The following PSPC1 variants were observed in gnomAD, a reference collection of about 807,000 sequenced individuals.
PSPC1 encodes the protein paraspeckle component 1.
A neutral mutation model predicts 51.6 loss-of-function variants in PSPC1; 14 were observed. The observed-to-expected ratio is 0.27, with a 90% CI of 0.18 to 0.42. The LOEUF (loss-of-function observed/expected upper bound fraction) is 0.42. Among genes scored for constraint, PSPC1 ranks in the 10% least tolerant of loss-of-function variants. The pLI is 1.00. For synonymous variants in PSPC1, 193 were observed against 231.9 expected, an observed-to-expected ratio of 0.83 and a Z score of 1.53; for missense variants, 406 against 701.1, an observed-to-expected ratio of 0.58 and a Z score of 4.75.
chr13:19,779,378 T>TG (rs1184763998), intron 1 of PSPC1, among the ~76,000 whole-genome samples: 12 of 78,186 alleles, frequency 1.5e-4, no homozygotes, highest in African/African-American at 5.2e-4. Context: ...GGGAGGGAGG[T>TG]GGGGGGGTCA....
At chr13:19,684,395 A>G (rs1877620100) in intron 6 of PSPC1, among the ~76,000 whole-genome samples, 4 of 152,208 alleles carry the variant, frequency 2.6e-5, no homozygotes, top group South Asian at 2.1e-4. Flanking sequence ...TAAAAGTTCA[A>G]TATTTCAAGT....
intron 5 of PSPC1, among the ~76,000 whole-genome samples, chr13:19,736,664 CAG>C (rs912178243): frequency 6.6e-6 from 1 of 152,114 alleles, no homozygotes; most frequent in Non-Finnish European, 1.5e-5. Flanking sequence ...GCCTGGGCGA[CAG>C]AGTGAGACTC....
chr13:19,690,687 C>T (rs1029031074), intron 6 of PSPC1, among the ~76,000 whole-genome samples: 1 of 152,122 alleles, frequency 6.6e-6, no homozygotes, highest in Admixed American at 6.5e-5. Context: ...GATTTTAGTT[C>T]TAAATTTTAT....
chr13:19,732,894 T>C (rs1225975814), intron 5 of PSPC1, among the ~76,000 whole-genome samples: 1 of 146,400 alleles, frequency 6.8e-6, no homozygotes, highest in Non-Finnish European at 1.5e-5. Context: ...GCCACTGCAC[T>C]CCAGCTTGCA....
rs996678767 is a variant in PSPC1 at position 19,741,756 on chromosome 13, CATTTT to C, written c.968-112_968-108del. ...ACTGGCAATATATTGGTATATTACT[CATTTT>C]ATAATAATGTAAGCTGGGTAATTAA... On this transcript the variant is annotated intron_variant, in intron 4 of 8. Coordinates refer to ENST00000338910, the MANE Select transcript of PSPC1 (RefSeq NM_001354909.2). The C allele has an allele frequency of 1.6e-4, 97 of 605,902 alleles. No homozygotes were observed. The African/African-American group carries it at 1.7e-3, about 10-fold the overall frequency. The allele number at this position is 605,902 out of a possible 1,614,324, so 37.5% of individuals were successfully genotyped here.
chr13:19,706,853 C>G (rs1453875761), intron 7 of PSPC1, among the ~76,000 whole-genome samples: 2 of 152,078 alleles, frequency 1.3e-5, no homozygotes, highest in Non-Finnish European at 2.9e-5. Flanking sequence ...TGGCTGAGTC[C>G]TTACCAGCCC....
At chr13:19,717,705 CAAAA>C (rs780984201) in intron 6 of PSPC1, among the ~76,000 whole-genome samples, 204 of 72,244 alleles carry the variant, frequency 2.8e-3, no homozygotes, top group African/African-American at 0.01. Context: ...GACTCTGTCT[CAAAA>C]AAAAAAAAAA....
chr13:19,741,878 T>C (rs547166885), intron 4 of PSPC1, among the ~76,000 whole-genome samples: 1 of 150,554 alleles, frequency 6.6e-6, no homozygotes, highest in South Asian at 2.1e-4. Context: ...ACGCCTACAA[T>C]CCCAGTAATT....
rs532730017 is a variant in PSPC1, at chr13:19,739,206, T to C, written c.1052+2359A>G. On this transcript the variant is annotated intron_variant, in intron 5 of 8. Transcript: ENST00000338910. Reference sequence around the variant, plus strand: ...TATTTAGGTTCCTTGTTTTCTTCCCTACCCCCTTTCAATGTGATGATGTTA... The same window carrying C: ...TATTTAGGTTCCTTGTTTTCTTCCCCACCCCCTTTCAATGTGATGATGTTA... 4.9e-4 allele frequency among the ~76,000 whole-genome samples: 75 copies of C among 152,336 alleles called. 1 individual carries two copies. The highest frequency in any genetic ancestry group is 1.1e-3 in the Admixed American group (17 of 15,288).
intron 2 of PSPC1, among the ~76,000 whole-genome samples, chr13:19,766,577 C>G (rs114900698): frequency 2.0e-5 from 3 of 151,922 alleles, no homozygotes; most frequent in Non-Finnish European, 2.9e-5. Flanking sequence ...CCCAGCTACT[C>G]GGAAGGCTGA....
intron 6 of PSPC1, among the ~76,000 whole-genome samples, chr13:19,687,215 A>C (rs1395769616): frequency 6.6e-6 from 1 of 150,714 alleles, no homozygotes; most frequent in Admixed American, 6.6e-5. Context: ...AATTAAAATT[A>C]ATATTAAAAA....
intron 4 of PSPC1, among the ~76,000 whole-genome samples, chr13:19,744,045 C>T (rs1271931513): frequency 6.6e-6 from 1 of 152,124 alleles, no homozygotes; most frequent in Non-Finnish European, 1.5e-5. Flanking sequence ...GAGGCGGAGG[C>T]TGCAGTGGGC....
chr13:19,725,580 C>A (rs566595272), intron 6 of PSPC1, among the ~76,000 whole-genome samples: 1 of 151,966 alleles, frequency 6.6e-6, no homozygotes, highest in East Asian at 1.9e-4. Flanking sequence ...CACAACTACT[C>A]AAATCAGTTT....
At chr13:19,773,227 A>G (rs1888785319) in intron 1 of PSPC1, among the ~76,000 whole-genome samples, 2 of 150,812 alleles carry the variant, frequency 1.3e-5, no homozygotes, top group African/African-American at 4.9e-5. Context: ...ATAATTCTCC[A>G]TACCCTTTAT....
intron 6 of PSPC1, among the ~76,000 whole-genome samples, chr13:19,685,090 G>C (rs141964846): frequency 2.5e-3 from 384 of 152,306 alleles, no homozygotes; most frequent in African/African-American, 8.6e-3. Context: ...GAAAAACAAA[G>C]TATAAGGAAA....
At chr13:19,760,478 C>T (rs1217590360) in intron 2 of PSPC1, among the ~76,000 whole-genome samples, 2 of 149,474 alleles carry the variant, frequency 1.3e-5, no homozygotes, top group African/African-American at 4.9e-5. Flanking sequence ...CAGTGAGTGG[C>T]GATCGCACCA....
intron 3 of PSPC1, among the ~76,000 whole-genome samples, chr13:19,752,594 A>ATT (rs578232634): frequency 6.7e-6 from 1 of 150,248 alleles, no homozygotes; most frequent in Non-Finnish European, 1.5e-5. Context: ...TTATTTATTT[A>ATT]TTTATTTTTG....
intron 6 of PSPC1, among the ~76,000 whole-genome samples, chr13:19,719,486 A>G (rs904656443): frequency 6.6e-6 from 1 of 152,190 alleles, no homozygotes; most frequent in African/African-American, 2.4e-5. Flanking sequence ...CTTAATTTAT[A>G]CTGCAAGGTT....
chr13:19,782,796 A>G lies in PSPC1; in HGVS notation c.-39T>C. 6.7e-7 allele frequency: 1 copy of G among 1,503,012 alleles called. No individual in the cohort carries two copies. The highest frequency in any genetic ancestry group is 8.7e-7 in the Non-Finnish European group (1 of 1,143,878). The allele number at this position is 1,503,012 out of a possible 1,614,324, so 93.1% of individuals were successfully genotyped here. A position where few individuals can be genotyped will look rare whatever the true frequency, so the allele number is the denominator to read the frequency against. On this transcript the variant is annotated 5_prime_UTR_variant, in exon 1 of 9. Coordinates refer to ENST00000338910, the MANE Select transcript of PSPC1 (RefSeq NM_001354909.2). The surrounding 1 kb of genome is among the most constrained non-coding windows in gnomAD (Gnocchi z 4.5). Reference sequence around the variant, plus strand: ...CCTCGGACACCGGATACAGGCCTAGATTTATAGACAGTGTGTCTATATATA... The same window carrying G: ...CCTCGGACACCGGATACAGGCCTAGGTTTATAGACAGTGTGTCTATATATA...
Sources: gnomAD v4.1 joint callset for allele counts (sites outside exome capture counted in the v4.1 genomes callset) on GRCh38, gnomAD v4.1.1 for gene constraint, Gnocchi (gnomAD v3.1) non-coding constraint, MANE v1.5 for transcripts, NCBI Gene and HGNC (gene_info 2026-07-23, HGNC 2026-07-21) for gene names.